RNF216: variants seen among roughly 807,000 people sequenced by gnomAD.
RNF216 encodes the protein E3 ubiquitin-protein ligase RNF216.
Under a neutral mutation model 110.8 loss-of-function variants are expected in RNF216, and 72 were observed. That is an observed-to-expected ratio of 0.65 (90% CI 0.54 to 0.79). The LOEUF (loss-of-function observed/expected upper bound fraction) is 0.79, where lower values mean the gene tolerates loss of function less well. Ranked by LOEUF, RNF216 falls within the 30% of genes least tolerant of loss-of-function variation. The pLI is 0.00. For missense variants in RNF216, 1,342 were observed against 1,141.2 expected (o/e 1.18, Z -2.54); for synonymous variants, 495 against 407.5 (o/e 1.21, Z -2.59).
chr7:5,774,928 T>C (rs1796694006), intron 1 of RNF216: 1 of 152,132 alleles, frequency 6.6e-6, no homozygotes, highest in African/African-American at 2.4e-5. Context: ...TTTATATTTT[T>C]AGTAGAGATG....
rs535704826 is a variant in RNF216, at chr7:5,622,703, G to A, written c.*157C>T. On this transcript the variant is annotated 3_prime_UTR_variant, in exon 17 of 17. Transcript: ENST00000389902. ...TATGGATCCGTCCACTCTTCCAGGA[G>A]CAGTAGCCCTTCTAGGAAAGGGGTG... 9.8e-6 allele frequency: 7 copies of A among 711,440 alleles called. No homozygotes were observed. Among genetic ancestry groups the A allele is most frequent in the Admixed American group, 2.6e-5 (1 of 39,082 alleles). The allele number at this position is 711,440 out of a possible 1,614,324, so 44.1% of individuals were successfully genotyped here.
intron 13 of RNF216, among the ~76,000 whole-genome samples, chr7:5,661,520 C>A (rs1042390263): frequency 6.6e-6 from 1 of 152,054 alleles, no homozygotes; most frequent in Non-Finnish European, 1.5e-5. Flanking sequence ...AAAGTAAATA[C>A]GGCTGGGCAT....
intron 13 of RNF216, among the ~76,000 whole-genome samples, chr7:5,676,721 T>C (rs892979018): frequency 1.9e-4 from 29 of 152,242 alleles, no homozygotes; most frequent in Admixed American, 1.8e-3. Flanking sequence ...ATAATGGCAT[T>C]TCCGGCCTAA....
intron 1 of RNF216, among the ~76,000 whole-genome samples, chr7:5,773,718 G>GCACCC (rs746126716): frequency 6.6e-4 from 101 of 151,968 alleles, no homozygotes; most frequent in Non-Finnish European, 1.3e-3. Flanking sequence ...ACACATGCGT[G>GCACCC]CCACCATGCT....
At chr7:5,657,650 C>T (rs979441212) in intron 13 of RNF216, among the ~76,000 whole-genome samples, 10 of 152,126 alleles carry the variant, frequency 6.6e-5, no homozygotes, top group Non-Finnish European at 1.0e-4. Flanking sequence ...CTTGACTATT[C>T]GCAAATGCTC....
At chr7:5,722,718 T>A (rs1793510897) in intron 8 of RNF216, among the ~76,000 whole-genome samples, 1 of 151,766 alleles carries the variant, frequency 6.6e-6, no homozygotes, top group African/African-American at 2.4e-5. Flanking sequence ...TCAAACCTTT[T>A]CTTCAGAAAA....
chr7:5,732,614 CTTCA>C (rs1244133183), intron 5 of RNF216, among the ~76,000 whole-genome samples: 2 of 152,170 alleles, frequency 1.3e-5, no homozygotes, highest in African/African-American at 2.4e-5. Flanking sequence ...AGTTTAATCC[CTTCA>C]TTATGTTTAC....
chr7:5,633,278 G>C (rs1274501773), intron 15 of RNF216, among the ~76,000 whole-genome samples: 14 of 152,088 alleles, frequency 9.2e-5, no homozygotes, highest in Non-Finnish European at 7.4e-5. Context: ...CGCCCAGCTG[G>C]AAGAGCTGGA....
In RNF216 at chr7:5,721,023, A is replaced by T; in HGVS notation, c.1644+10T>A. The T allele has an allele frequency of 6.2e-7, 1 of 1,614,094 alleles. No homozygotes were observed. Among genetic ancestry groups the T allele is most frequent in the Non-Finnish European group, 8.5e-7 (1 of 1,179,954 alleles). ...GAAACACACCCCAAGACCAGAGCAC[A>T]TCTTCCTACCTCTGCCATCTCTTTG... On this transcript the variant is annotated intron_variant, in intron 9 of 16. Transcript: ENST00000389902.
At chr7:5,643,535 T>C (rs568691730) in intron 14 of RNF216, among the ~76,000 whole-genome samples, 5 of 151,992 alleles carry the variant, frequency 3.3e-5, no homozygotes, top group Admixed American at 6.6e-5. Flanking sequence ...TGTAGTTATC[T>C]GTGCTCACCA....
chr7:5,749,095 T>C (rs1255267143), intron 3 of RNF216, among the ~76,000 whole-genome samples: 1 of 151,774 alleles, frequency 6.6e-6, no homozygotes, highest in Admixed American at 6.6e-5. Context: ...GTATTTTTGG[T>C]AAGTAAGACC....
chr7:5,666,810 A>G (rs1462859943), intron 13 of RNF216: 1 of 140,252 alleles, frequency 7.1e-6, no homozygotes, highest in Non-Finnish European at 1.5e-5. Context: ...TACTACAGCA[A>G]TGACTTTTTT....
chr7:5,742,031 G>A (rs1189321783), intron 3 of RNF216, among the ~76,000 whole-genome samples: 1 of 152,080 alleles, frequency 6.6e-6, no homozygotes, highest in Non-Finnish European at 1.5e-5. Flanking sequence ...TAAAGCTTGA[G>A]ATATAGTTTG....
chr7:5,637,714 A>AT (rs1344120424), intron 15 of RNF216, among the ~76,000 whole-genome samples: 8 of 152,008 alleles, frequency 5.3e-5, no homozygotes, highest in African/African-American at 1.7e-4. Flanking sequence ...TAACTTTGGG[A>AT]TTTTTTGTAG....
chr7:5,659,371 AAAG>A (rs1262965594), intron 13 of RNF216, among the ~76,000 whole-genome samples: 2 of 152,190 alleles, frequency 1.3e-5, no homozygotes, highest in African/African-American at 4.8e-5. Flanking sequence ...GCTGAGTCCT[AAAG>A]GAGGAGTCGG....
chr7:5,664,610 G>GTTT (rs1789383301), intron 13 of RNF216, among the ~76,000 whole-genome samples: 1 of 152,136 alleles, frequency 6.6e-6, no homozygotes, highest in African/African-American at 2.4e-5. Context: ...GTCAGGACTG[G>GTTT]AAATGCGCAT....
Position 5,623,139 on chromosome 7 carries a change from A to G in RNF216, c.2493T>C (p.Pro831=). The change falls in exon 17 of 17, where the codon CCT becomes CCC. Residue 831 remains proline (P), a synonymous_variant. Transcript: ENST00000389902. ...FKRIGPPLEK[P]VEKVQRVEAL... ...CCTCCACCCTCTGCACCTTCTCCAC[A>G]GGCTTCTCCAGCGGGGGTCCAATGC... The G allele has an allele frequency of 6.3e-7, 1 of 1,588,610 alleles. No homozygotes were observed. Among genetic ancestry groups the G allele is most frequent in the African/African-American group, 1.3e-5 (1 of 74,628 alleles).
intron 13 of RNF216, among the ~76,000 whole-genome samples, chr7:5,688,930 A>T (rs1315242807): frequency 6.6e-6 from 1 of 152,218 alleles, no homozygotes; most frequent in Non-Finnish European, 1.5e-5. Flanking sequence ...TCAAATGTTG[A>T]CTGAATGAGA....
chr7:5,627,574 T>C (rs1440206514), intron 15 of RNF216, among the ~76,000 whole-genome samples: 2 of 152,082 alleles, frequency 1.3e-5, no homozygotes, highest in African/African-American at 2.4e-5. Context: ...GGTGAAACCC[T>C]GTCTCTACTA....
Sources: allele counts gnomAD v4.1 joint callset (sites outside exome capture counted in the v4.1 genomes callset), GRCh38; gene constraint gnomAD v4.1.1; transcripts MANE v1.5; gene names NCBI Gene and HGNC (gene_info 2026-07-23, HGNC 2026-07-21).